The following SPRED2 variants were observed in gnomAD, a reference collection of about 807,000 sequenced individuals.
SPRED2 encodes the protein sprouty-related, EVH1 domain-containing protein 2.
Under a neutral mutation model 43.0 loss-of-function variants are expected in SPRED2, and 47 were observed. The observed-to-expected ratio is 1.09, with a 90% confidence interval of 0.87 to 1.40. The LOEUF (loss-of-function observed/expected upper bound fraction) is 1.40, where lower values mean the gene tolerates loss of function less well. SPRED2 is among the 40% of genes most tolerant of loss of function. The probability of loss-of-function intolerance (pLI) is 0.00; values close to 1 mark genes in which losing one functional copy is unlikely to be tolerated. For synonymous variants in SPRED2, 225 were observed against 225.7 expected (o/e 1.00, Z 0.03); for missense variants, 561 against 586.4 (o/e 0.96, Z 0.45).
At chr2:65,319,647 A>T (rs1054188321) in intron 4 of SPRED2, among the ~76,000 whole-genome samples, 3 of 148,930 alleles carry the variant, frequency 2.0e-5, no homozygotes, top group Admixed American at 6.7e-5. Context: ...TCTACCCCTT[A>T]CTCCTCCCCA....
At chr2:65,370,000 T>C (rs191913187) in intron 1 of SPRED2, among the ~76,000 whole-genome samples, 2 of 152,324 alleles carry the variant, frequency 1.3e-5, no homozygotes, top group East Asian at 3.9e-4. Context: ...TAGCTATATA[T>C]GTATATAACT....
chr2:65,313,804 G>T lies in SPRED2; in HGVS notation c.954C>A (p.His318Gln). The T allele has an allele frequency of 6.2e-7, 1 of 1,613,918 alleles. No homozygotes were observed. The highest frequency in any genetic ancestry group is 8.5e-7 in the Non-Finnish European group (1 of 1,180,032). Residue 318 changes from histidine to glutamine, a missense_variant, in exon 6 of 6, where the codon CAC (histidine) becomes CAA (glutamine). Physicochemically the swap from His to Gln is conservative, Grantham distance 24. This residue lies in a region of SPRED2 where 164 missense variants were observed against 164.1 expected (regional missense o/e 1.00). Coordinates refer to ENST00000356388, the MANE Select transcript of SPRED2 (RefSeq NM_181784.3). ...RCVYCRDMFN[H>Q]EENRRGHCQD... ...GGCAGTGGCCCCGGCGGTTCTCCTC[G>T]TGGTTGAACATGTCCCTGCAGTACA...
At chr2:65,404,221 A>G in intron 1 of SPRED2, among the ~76,000 whole-genome samples, 1 of 152,076 alleles carries the variant, frequency 6.6e-6, no homozygotes, top group East Asian at 1.9e-4. Context: ...AAAAAAAAGA[A>G]AGAAAGAAAA....
chr2:65,430,543 G>A (rs1676652703), intron 1 of SPRED2, among the ~76,000 whole-genome samples: 1 of 152,350 alleles, frequency 6.6e-6, no homozygotes, highest in Non-Finnish European at 1.5e-5. Flanking sequence ...TGCTGCAAGA[G>A]ACAAGCCTCC....
At chr2:65,397,111 A>G (rs1172877422) in intron 1 of SPRED2, among the ~76,000 whole-genome samples, 1 of 152,236 alleles carries the variant, frequency 6.6e-6, no homozygotes. Context: ...AAAAGGGAAA[A>G]GGAAAAAGAT....
chr2:65,347,969 A>G (rs1215919846), intron 1 of SPRED2, among the ~76,000 whole-genome samples: 2 of 152,224 alleles, frequency 1.3e-5, no homozygotes, highest in African/African-American at 4.8e-5. Flanking sequence ...ACGTTTGCCC[A>G]ACTTAACCCA....
intron 1 of SPRED2, among the ~76,000 whole-genome samples, chr2:65,382,004 A>G (rs1189943044): frequency 1.3e-5 from 2 of 152,130 alleles, no homozygotes; most frequent in African/African-American, 4.8e-5. Flanking sequence ...TTTTCCCAAT[A>G]TATGTCTGCG....
At chr2:65,359,272 C>G (rs1455866148) in intron 1 of SPRED2, among the ~76,000 whole-genome samples, 1 of 152,198 alleles carries the variant, frequency 6.6e-6, no homozygotes. Flanking sequence ...CACATATTTC[C>G]CATGTTACTT....
chr2:65,422,752 G>GT (rs1676460916), intron 1 of SPRED2, among the ~76,000 whole-genome samples: 1 of 152,010 alleles, frequency 6.6e-6, no homozygotes, highest in Non-Finnish European at 1.5e-5. Flanking sequence ...GTCTTCAAAG[G>GT]TTTTTTGTTG....
chr2:65,385,950 G>C (rs1182695244), intron 1 of SPRED2, among the ~76,000 whole-genome samples: 1 of 152,118 alleles, frequency 6.6e-6, no homozygotes, highest in Non-Finnish European at 1.5e-5. Context: ...CATGCCCATG[G>C]GAGATGGTGA....
chr2:65,375,898 A>T (rs1221742321), intron 1 of SPRED2, among the ~76,000 whole-genome samples: 3 of 152,196 alleles, frequency 2.0e-5, no homozygotes, highest in Non-Finnish European at 4.4e-5. Flanking sequence ...GAGTGTGAAG[A>T]GCAAGTCTTA....
chr2:65,416,278 C>T (rs952165929), intron 1 of SPRED2, among the ~76,000 whole-genome samples: 12 of 152,218 alleles, frequency 7.9e-5, no homozygotes, highest in African/African-American at 2.4e-4. Flanking sequence ...CAGATATGCT[C>T]TTCCTTGGGG....
chr2:65,429,145 CATT>C (rs1676622148), intron 1 of SPRED2, among the ~76,000 whole-genome samples: 3 of 152,276 alleles, frequency 2.0e-5, no homozygotes, highest in East Asian at 3.9e-4. Flanking sequence ...GAAAACAAAA[CATT>C]ATTTTTTTAA....
intron 1 of SPRED2, among the ~76,000 whole-genome samples, chr2:65,401,777 G>C (rs1394825634): frequency 6.6e-6 from 1 of 151,924 alleles, no homozygotes; most frequent in Non-Finnish European, 1.5e-5. Flanking sequence ...TCCAGCCTGG[G>C]CGACAGAGCC....
rs560060289 is a variant in SPRED2 at position 65,389,429 on chromosome 2, G to C, written c.26+42533C>G. 2.0e-5 allele frequency among the ~76,000 whole-genome samples: 3 copies of C among 152,206 alleles called. No individual in the cohort carries two copies. In the South Asian group the frequency reaches 6.2e-4, roughly 32 times the overall value. Reference sequence around the variant, plus strand: ...GAAGGAGGGTGACACCCACTTTTGAGAAACATATAGATTCTGCGAAACATA... The same window carrying C: ...GAAGGAGGGTGACACCCACTTTTGACAAACATATAGATTCTGCGAAACATA... On this transcript the variant is annotated intron_variant, in intron 1 of 5. Transcript: ENST00000356388.
At chr2:65,399,502 C>A (rs1466330224) in intron 1 of SPRED2, among the ~76,000 whole-genome samples, 1 of 150,604 alleles carries the variant, frequency 6.6e-6, no homozygotes, top group Non-Finnish European at 1.5e-5. Context: ...TCTGCCTCAG[C>A]CTCCCTAGTA....
At chr2:65,315,041 C>G (rs1673194949) in intron 5 of SPRED2, among the ~76,000 whole-genome samples, 3 of 148,388 alleles carry the variant, frequency 2.0e-5, no homozygotes, top group Admixed American at 1.3e-4. Context: ...GCAGTTAGTC[C>G]TGCTACAGGC....
At chr2:65,418,224 GCT>G (rs1015756957) in intron 1 of SPRED2, among the ~76,000 whole-genome samples, 28 of 152,294 alleles carry the variant, frequency 1.8e-4, no homozygotes, top group East Asian at 1.2e-3. Context: ...GCCTCAACCA[GCT>G]CTGTTCTACT....
At chr2:65,332,260 C>A in intron 3 of SPRED2, 1 of 418,462 alleles carries the variant, frequency 2.4e-6, no homozygotes. Flanking sequence ...ACTTTGCCTG[C>A]TGTTGTTCCC....
Sources: allele counts gnomAD v4.1 joint callset (sites outside exome capture counted in the v4.1 genomes callset), GRCh38; gene constraint gnomAD v4.1.1; regional missense constraint gnomAD v4.1.1; transcripts MANE v1.5; gene names NCBI Gene and HGNC (gene_info 2026-07-23, HGNC 2026-07-21).